Variants in ZSCAN20 observed in about 807,000 individuals in gnomAD.
ZSCAN20 encodes the protein zinc finger and SCAN domain-containing protein 20.
ZSCAN20 carries 39 observed loss-of-function variants against 97.1 expected under a neutral mutation model. The ratio of observed to expected loss-of-function variants is 0.40; its 90% CI spans 0.31 to 0.52. The LOEUF (loss-of-function observed/expected upper bound fraction) is 0.52. Ranked by LOEUF, ZSCAN20 falls within the 20% of genes least tolerant of loss-of-function variation. The probability of loss-of-function intolerance (pLI) is 0.49; values close to 1 mark genes in which losing one functional copy is unlikely to be tolerated. For missense variants in ZSCAN20, 1,115 were observed against 1,290.4 expected, an observed-to-expected ratio of 0.86 and a Z score of 2.08; for synonymous variants, 456 against 467.3, an observed-to-expected ratio of 0.98 and a Z score of 0.31.
intron 2 of ZSCAN20, among the ~76,000 whole-genome samples, chr1:33,483,403 C>T (rs758173923): frequency 7.9e-5 from 12 of 151,930 alleles, no homozygotes; most frequent in Admixed American, 1.3e-4. Flanking sequence ...TTCCATTGAT[C>T]GCTTTATTCT....
Position 33,495,558 on chromosome 1 carries a change from A to G in ZSCAN20, c.*82A>G, listed in dbSNP as rs1435513952. 35 of 1,286,124 alleles carry G rather than the reference A, an allele frequency of 2.7e-5. No individual in the cohort carries two copies. The highest frequency in any genetic ancestry group is 9.7e-5 in the Admixed American group (3 of 30,798). The allele number at this position is 1,286,124 out of a possible 1,614,324, so 79.7% of individuals were successfully genotyped here. ...ATGTATGCTAGAGATAAACTTTCCA[A>G]TTTTTAAGCTTGGTGTGTACCCAGG... On this transcript the variant is annotated 3_prime_UTR_variant, in exon 8 of 8. Transcript: ENST00000684572.
At chr1:33,489,285 G>A in intron 4 of ZSCAN20, 94 bp downstream of exon 4, 2 of 1,348,832 alleles carry the variant, frequency 1.5e-6, no homozygotes, top group Admixed American at 1.9e-5. Context: ...CCTCTGCTCA[G>A]CAAAAGGGCA....
rs1652946083 is a variant in ZSCAN20, at chr1:33,498,307, T to C, written c.*2831T>C. 6.6e-6 allele frequency among the ~76,000 whole-genome samples: 1 copy of C among 152,232 alleles called. No homozygotes were observed. Among genetic ancestry groups the C allele is most frequent in the African/African-American group, 2.4e-5 (1 of 41,452 alleles). On this transcript the variant is annotated 3_prime_UTR_variant, in exon 8 of 8. Coordinates refer to ENST00000684572, the MANE Select transcript of ZSCAN20 (RefSeq NM_001377376.1). ...GTAGTGTGTTAGTGTCTCATATCTT[T>C]AGTGAACAGTTTTGATGTTTATTAT...
rs1420420400 is a variant in ZSCAN20, at chr1:33,499,666, T to G, written c.*4190T>G. Reference sequence around the variant, plus strand: ...CAATACTTTCTCCCTTCTAAGAGCATTTCCAGTTGGGCTGGAGTTACCCAG... The same window carrying G: ...CAATACTTTCTCCCTTCTAAGAGCAGTTCCAGTTGGGCTGGAGTTACCCAG... On this transcript the variant is annotated 3_prime_UTR_variant, in exon 8 of 8. Coordinates refer to ENST00000684572, the MANE Select transcript of ZSCAN20 (RefSeq NM_001377376.1). Among the ~76,000 whole-genome samples, 2 of 152,230 alleles carry G rather than the reference T, an allele frequency of 1.3e-5. No homozygotes were observed. Among genetic ancestry groups the G allele is most frequent in the Non-Finnish European group, 2.9e-5 (2 of 68,032 alleles).
At chr1:33,492,774 C>CAA (rs1239595476) in intron 6 of ZSCAN20, 56 of 31,912 alleles carry the variant, frequency 1.8e-3, no homozygotes, top group Middle Eastern at 0.018. Context: ...GACTCCGTCT[C>CAA]AAAAAAAAAA....
intron 2 of ZSCAN20, among the ~76,000 whole-genome samples, chr1:33,480,257 C>T (rs1049179857): frequency 6.6e-6 from 1 of 152,176 alleles, no homozygotes; most frequent in Non-Finnish European, 1.5e-5. Flanking sequence ...GCCTGTAATC[C>T]TAGCACTTTG....
intron 1 of ZSCAN20, among the ~76,000 whole-genome samples, chr1:33,478,672 A>G (rs1450040497): frequency 6.6e-6 from 1 of 152,086 alleles, no homozygotes; most frequent in African/African-American, 2.4e-5. Flanking sequence ...TGCAAGGAGA[A>G]CATCCTTAGA....
At chr1:33,490,650 A>AAC (rs372552175) in intron 5 of ZSCAN20, among the ~76,000 whole-genome samples, 24,506 of 141,108 alleles carry the variant, frequency 0.17, 2,305 homozygotes, top group Admixed American at 0.29. Context: ...TACACACACA[A>AAC]ACACACACAC....
rs1425763742 is a variant in ZSCAN20 at position 33,497,554 on chromosome 1, G to A, written c.*2078G>A. 6.6e-6 allele frequency among the ~76,000 whole-genome samples: 1 copy of A among 152,164 alleles called. No individual in the cohort carries two copies. Among genetic ancestry groups the A allele is most frequent in the African/African-American group, 2.4e-5 (1 of 41,440 alleles). On this transcript the variant is annotated 3_prime_UTR_variant, in exon 8 of 8. Transcript: ENST00000684572. Reference sequence around the variant, plus strand: ...GTCACTGAGGACCTCACATGTGAATGGAGTGTCAACACCAGGCCCGGGGCA... The same window carrying A: ...GTCACTGAGGACCTCACATGTGAATAGAGTGTCAACACCAGGCCCGGGGCA...
At position 33,480,204 on chromosome 1, in the gene ZSCAN20, A is replaced by G. The variant is rs114719603; in HGVS notation, c.417+499A>G. 9.5e-3 allele frequency among the ~76,000 whole-genome samples: 1,452 copies of G among 152,288 alleles called. 24 individuals carry two copies. The highest frequency in any genetic ancestry group is 0.029 in the African/African-American group (1,214 of 41,544). On this transcript the variant is annotated intron_variant, in intron 2 of 7. Coordinates refer to ENST00000684572, the MANE Select transcript of ZSCAN20 (RefSeq NM_001377376.1). ...TAGTACTGTTGTCCCCATTTTATAGATTAAACTAAGAGCCAAAAAGTTGGC... is the reference window on the plus strand; with the variant it reads ...TAGTACTGTTGTCCCCATTTTATAGGTTAAACTAAGAGCCAAAAAGTTGGC...
chr1:33,484,095 T>G (rs1652260686), intron 2 of ZSCAN20, among the ~76,000 whole-genome samples: 1 of 152,106 alleles, frequency 6.6e-6, no homozygotes, highest in South Asian at 2.1e-4. Context: ...TTCCCAGAAG[T>G]TTTTTTTGTT....
chr1:33,488,674 G>A (rs760328393), intron 3 of ZSCAN20, 23 bp downstream of exon 3: 2 of 1,599,404 alleles, frequency 1.3e-6, no homozygotes, highest in South Asian at 1.1e-5. Context: ...GAGAACATTA[G>A]GGAATGAGGC....
Position 33,491,213 on chromosome 1 carries a change from A to G in ZSCAN20, c.955A>G (p.Met319Val), listed in dbSNP as rs771372288. Residue 319 changes from methionine to valine, a missense_variant, in exon 6 of 8, where the codon ATG (methionine) becomes GTG (valine). Coordinates refer to ENST00000684572, the MANE Select transcript of ZSCAN20 (RefSeq NM_001377376.1). The surrounding 1 kb of genome is among the most constrained non-coding windows in gnomAD (Gnocchi z 4.3). ...EEQYQWDVED[M>V]KVSGVHWGYE... Reference sequence around the variant, plus strand: ...ACAATACCAGTGGGATGTGGAGGACATGAAGGTGTCAGGTGTTCACTGGGG... The same window carrying G: ...ACAATACCAGTGGGATGTGGAGGACGTGAAGGTGTCAGGTGTTCACTGGGG... 4 of 1,614,194 alleles carry G rather than the reference A, an allele frequency of 2.5e-6. No homozygotes were observed. In the South Asian group the frequency reaches 3.3e-5, roughly 13 times the overall value.
At chr1:33,489,360 C>T in intron 4 of ZSCAN20, 158 bp from the exon 5 acceptor site, 1 of 980,682 alleles carries the variant, frequency 1.0e-6, no homozygotes, top group Non-Finnish European at 1.5e-6. Context: ...CATCCCCAAA[C>T]ACATGTATGT....
Position 33,496,734 on chromosome 1 carries a change from G to T in ZSCAN20, c.*1258G>T, listed in dbSNP as rs1652876119. The stretch of plus-strand genomic sequence containing the variant: ...CCCCATGCCAAGACTGAGGTGGGAG[G>T]TGCTGGTGTATATGGTCATCTACTG... On this transcript the variant is annotated 3_prime_UTR_variant, in exon 8 of 8. Transcript: ENST00000684572. Among the ~76,000 whole-genome samples the T allele has an allele frequency of 6.6e-6, 1 of 152,092 alleles. No homozygotes were observed. Among genetic ancestry groups the T allele is most frequent in the African/African-American group, 2.4e-5 (1 of 41,402 alleles).
intron 2 of ZSCAN20, among the ~76,000 whole-genome samples, chr1:33,481,027 T>C (rs1652135279): frequency 6.6e-6 from 1 of 152,230 alleles, no homozygotes; most frequent in African/African-American, 2.4e-5. Context: ...ATTTAAACTG[T>C]AAAGTTCTAT....
At chr1:33,475,199 G>A (rs1398355188) in intron 1 of ZSCAN20, among the ~76,000 whole-genome samples, 2 of 152,164 alleles carry the variant, frequency 1.3e-5, no homozygotes, top group Non-Finnish European at 2.9e-5. Flanking sequence ...AAGGGATCTC[G>A]GCTTAGACCC....
At chr1:33,480,404 T>G (rs1224977075) in intron 2 of ZSCAN20, among the ~76,000 whole-genome samples, 8 of 152,204 alleles carry the variant, frequency 5.3e-5, no homozygotes, top group Non-Finnish European at 8.8e-5. Context: ...CATCAGTGAA[T>G]AGACCAGAGC....
intron 1 of ZSCAN20, among the ~76,000 whole-genome samples, chr1:33,474,107 C>CA (rs1452718091): frequency 2.0e-5 from 3 of 152,330 alleles, no homozygotes; most frequent in Admixed American, 1.3e-4. Flanking sequence ...TGTGTGCTGC[C>CA]AGTGCCCCTT....
Sources: allele counts gnomAD v4.1 joint callset (sites outside exome capture counted in the v4.1 genomes callset), GRCh38; gene constraint gnomAD v4.1.1; non-coding constraint Gnocchi (gnomAD v3.1); transcripts MANE v1.5; gene names NCBI Gene and HGNC (gene_info 2026-07-23, HGNC 2026-07-21).